ANO7: variants seen among roughly 807,000 people sequenced by gnomAD.
ANO7 encodes the protein anoctamin-7.
ANO7 carries 114 observed loss-of-function variants against 115.8 expected under a neutral mutation model. The observed-to-expected ratio is 0.98, with a 90% CI of 0.85 to 1.15. The LOEUF is 1.15. Among genes scored for constraint, ANO7 ranks in the 50% most tolerant of loss-of-function variants. ANO7 has a pLI of 0.00. For missense variants in ANO7, 1,302 were observed against 1,201.2 expected (o/e 1.08, Z -1.24); for synonymous variants, 550 against 498.2 (o/e 1.10, Z -1.38).
At position 241,218,391 on chromosome 2, in the gene ANO7, G is replaced by A. The variant is rs1178304121; in HGVS notation, c.2321+10G>A. 7.4e-7 allele frequency: 1 copy of A among 1,356,460 alleles called. No individual in the cohort carries two copies. The highest frequency in any genetic ancestry group is 9.5e-7 in the Non-Finnish European group (1 of 1,048,222). The allele number at this position is 1,356,460 out of a possible 1,614,324, so 84.0% of individuals were successfully genotyped here. A position where few individuals can be genotyped will look rare whatever the true frequency, so the allele number is the denominator to read the frequency against. ...ACAACCGCACGTGCAGGTGAGCCCC[G>A]CGCCAGGTGGAGGGGGCCGCGGGCG... On this transcript the variant is annotated intron_variant, in intron 21 of 24. Coordinates refer to ENST00000674324, the MANE Select transcript of ANO7 (RefSeq NM_001370694.2).
the ANO7 span, chr2:241,231,020 T>C: frequency 2.3e-6 from 3 of 1,318,836 alleles, no homozygotes; most frequent in Non-Finnish European, 3.2e-6. Flanking sequence ...CGGCCCCCAC[T>C]GCTGAGGAAA....
At position 241,195,905 on chromosome 2, in the gene ANO7, C is replaced by T. The variant is rs764658188; in HGVS notation, c.309+60C>T. The T allele has an allele frequency of 8.6e-5, 139 of 1,613,862 alleles. 1 individual carries two copies. The South Asian group carries it at 1.3e-3, about 15-fold the overall frequency. ...CCTGCATCCACTCAGTGACCCATGA[C>T]CTTGCCGCATGAGGCCTGAGGGCAT... On this transcript the variant is annotated intron_variant, in intron 4 of 24. Transcript: ENST00000674324.
chr2:241,226,044 T>C (rs1017578862), downstream of ANO7, among the ~76,000 whole-genome samples: 1 of 152,124 alleles, frequency 6.6e-6, no homozygotes, highest in African/African-American at 2.4e-5. Flanking sequence ...GTGAACAAAC[T>C]GTTGTAACCA....
At chr2:241,228,949 T>C (rs1485199899), downstream of ANO7, 2 of 152,508 alleles carry the variant, frequency 1.3e-5, no homozygotes, top group Non-Finnish European at 2.9e-5. Flanking sequence ...GCAGTGGAGG[T>C]AGGGGCAGGG....
At chr2:241,198,141 G>A (rs143619105) in intron 4 of ANO7, among the ~76,000 whole-genome samples, 22 of 152,224 alleles carry the variant, frequency 1.4e-4, no homozygotes, top group Non-Finnish European at 2.8e-4. Context: ...TCCACCTTCC[G>A]TGCCTTTCTT....
intron 5 of ANO7, 148 bp from the exon 6 acceptor site, chr2:241,199,941 G>T: frequency 1.2e-6 from 1 of 865,516 alleles, no homozygotes; most frequent in Non-Finnish European, 1.7e-6. Context: ...GGGCTCACCT[G>T]GGCCCTCACA....
At chr2:241,219,947 G>A (rs2068970907) in intron 21 of ANO7, among the ~76,000 whole-genome samples, 1 of 152,102 alleles carries the variant, frequency 6.6e-6, no homozygotes, top group East Asian at 1.9e-4. Flanking sequence ...CTCTGTGTAT[G>A]ACTAGGATCT....
chr2:241,223,165 T>G, intron 21 of ANO7, 21 bp from the exon 22 acceptor site: 2 of 1,610,710 alleles, frequency 1.2e-6, no homozygotes, highest in Non-Finnish European at 1.7e-6. Flanking sequence ...CTGCGCGCAC[T>G]GAGTCCTGTG....
chr2:241,229,784 G>GGGCGCCCCCCCCCCC, downstream of ANO7: 1 of 1,502,548 alleles, frequency 6.7e-7, no homozygotes, highest in Non-Finnish European at 9.1e-7. Context: ...AAGCCCGCCT[G>GGGCGCCCCCCCCCCC]CCCGCCCACC....
At chr2:241,195,962 C>A in intron 4 of ANO7, 117 bp downstream of exon 4, 2 of 1,589,122 alleles carry the variant, frequency 1.3e-6, no homozygotes, top group East Asian at 2.3e-5. Context: ...GATCAGGCCC[C>A]AAAGTCCTGC....
intron 20 of ANO7, 23 bp from the exon 21 acceptor site, chr2:241,218,216 G>T: frequency 4.9e-6 from 7 of 1,428,574 alleles, no homozygotes; most frequent in Non-Finnish European, 6.4e-6. Flanking sequence ...GGGCCGCCTC[G>T]CGCTGACCCC....
intron 11 of ANO7, among the ~76,000 whole-genome samples, 181 bp downstream of exon 11, chr2:241,207,851 G>A (rs1213982903): frequency 1.3e-5 from 2 of 152,098 alleles, no homozygotes; most frequent in African/African-American, 2.4e-5. Flanking sequence ...GGTTACACCC[G>A]GCACACACCT....
chr2:241,212,028 G>C (rs2068729308), intron 15 of ANO7, 66 bp from the exon 16 acceptor site: 2 of 1,279,616 alleles, frequency 1.6e-6, no homozygotes, highest in African/African-American at 2.9e-5. Context: ...GGTCCTAGGA[G>C]AGGGGGCCCC....
chr2:241,209,074 G>A (rs937362420), intron 11 of ANO7, among the ~76,000 whole-genome samples: 5 of 152,218 alleles, frequency 3.3e-5, no homozygotes, highest in Admixed American at 6.5e-5. Flanking sequence ...GCGTGAACCC[G>A]GGAGGCGAAG....
rs1232271799 is a variant in ANO7 at position 241,215,953 on chromosome 2, A to G, written c.1827-140A>G. 3 of 1,061,258 alleles carry G rather than the reference A, an allele frequency of 2.8e-6. No individual in the cohort carries two copies. The Admixed American group carries it at 7.2e-5, about 26-fold the overall frequency. 65.7% of individuals were successfully genotyped at this position (1,061,258 alleles called of 1,614,324 possible). A position where few individuals can be genotyped will look rare whatever the true frequency, so the allele number is the denominator to read the frequency against. On this transcript the variant is annotated intron_variant, in intron 18 of 24. Transcript: ENST00000674324. ...TTGGCTCTCACTGCGTCCACCCCTC[A>G]GCCCCAGACCCCATCCCTCCCTGCT...
Position 241,190,173 on chromosome 2 carries a change from T to C in ANO7, c.108+2T>C, listed in dbSNP as rs771494446. On this transcript the variant is annotated splice_donor_variant, in intron 2 of 24. Transcript: ENST00000674324. LOFTEE classifies it high-confidence loss of function. ...GGGAGCACAGCCCACGCCTCGGAGG[T>C]AACAGCACCCAGGAGACTGTGGTGC... 3 of 1,556,118 alleles carry C rather than the reference T, an allele frequency of 1.9e-6. No homozygotes were observed. The East Asian group carries it at 7.2e-5, about 38-fold the overall frequency.
At position 241,223,922 on chromosome 2, in the gene ANO7, C is replaced by A. The variant is rs111682891; in HGVS notation, c.2550C>A (p.Asn850Lys). ...LAENEVLFGT[N>K]GTKDEQPEGS... is the part of the protein sequence containing the mutation. ...GGGGACAGGTTCTTTTTGGAACGAA[C>A]GGAACAAAGGATGAGCAGCCCGAGG... Residue 850 changes from asparagine (N) to lysine (K), a missense_variant, in exon 24 of 25, where the codon AAC becomes AAA. By Grantham distance (94) the Asn-to-Lys change is moderately conservative (BLOSUM62 0). Coordinates refer to ENST00000674324, the MANE Select transcript of ANO7 (RefSeq NM_001370694.2). The A allele has an allele frequency of 1.7e-5, 28 of 1,613,028 alleles. No individual in the cohort carries two copies. Among genetic ancestry groups the A allele is most frequent in the Non-Finnish European group, 2.3e-5 (27 of 1,180,018 alleles).
chr2:241,217,632 G>A (rs2068864074), intron 19 of ANO7, 54 bp from the exon 20 acceptor site: 2 of 1,532,006 alleles, frequency 1.3e-6, no homozygotes, highest in Non-Finnish European at 1.8e-6. Flanking sequence ...GGCGCGTTCC[G>A]AGGGCTGAGG....
Position 241,212,139 on chromosome 2 carries a change from A to G in ANO7, c.1607A>G (p.Lys536Arg). ...AAGTTCGAGGACGCCTTCACCCTCA[A>G]GGTGTTCATCTTCCAGTTCGTCAAC... is the stretch of plus-strand genomic sequence containing the variant. ...QTKFEDAFTL[K>R]VFIFQFVNFY... Residue 536 changes from lysine (K) to arginine (R), a missense_variant, in exon 16 of 25, where the codon AAG becomes AGG. By Grantham distance (26) the Lys-to-Arg change is conservative. Transcript: ENST00000674324. The G allele has an allele frequency of 6.2e-7, 1 of 1,614,072 alleles. No homozygotes were observed. Among genetic ancestry groups the G allele is most frequent in the Non-Finnish European group, 8.5e-7 (1 of 1,179,990 alleles).
Sources: allele counts gnomAD v4.1 joint callset (sites outside exome capture counted in the v4.1 genomes callset), GRCh38; gene constraint gnomAD v4.1.1; transcripts MANE v1.5; gene names NCBI Gene and HGNC (gene_info 2026-07-23, HGNC 2026-07-21).